CASQ1: variants seen among roughly 807,000 people sequenced by gnomAD.
CASQ1 encodes the protein calsequestrin 1, also known as calsequestrin-1.
Under a neutral mutation model 49.5 loss-of-function variants are expected in CASQ1, and 40 were observed. That is an observed-to-expected ratio of 0.81 (90% confidence interval 0.63 to 1.05). CASQ1 has a LOEUF of 1.05. Among genes scored for constraint, CASQ1 ranks in the 50% least tolerant of loss-of-function variants. CASQ1 has a pLI of 0.00. For synonymous variants in CASQ1, 174 were observed against 187.2 expected (o/e 0.93, Z 0.58); for missense variants, 469 against 486.9 (o/e 0.96, Z 0.35).
intron 3 of CASQ1, 124 bp from the exon 4 acceptor site, chr1:160,194,888 A>C: frequency 6.6e-6 from 4 of 605,890 alleles, no homozygotes; most frequent in Admixed American, 3.1e-5. Flanking sequence ...TCCCCCACAC[A>C]CACACCCACA....
intron 7 of CASQ1, chr1:160,198,453 G>A (rs767463461): frequency 4.0e-5 from 16 of 398,470 alleles, no homozygotes; most frequent in African/African-American, 8.1e-5. Flanking sequence ...GCAGTGAGCC[G>A]AGATCGCGCC....
chr1:160,191,084 C>T, intron 1 of CASQ1, 54 bp downstream of exon 1: 1 of 1,576,622 alleles, frequency 6.3e-7, no homozygotes, highest in Non-Finnish European at 8.6e-7. Flanking sequence ...TCTCCGGAAT[C>T]CCCTATCCTA....
chr1:160,198,552 C>A, intron 7 of CASQ1, 125 bp from the exon 8 acceptor site: 1 of 706,922 alleles, frequency 1.4e-6, no homozygotes, highest in Non-Finnish European at 2.5e-6. Context: ...ATATCTGGTC[C>A]TGAAGCTGGA....
chr1:160,195,663 C>CT (rs397791541), intron 5 of CASQ1, 129 bp downstream of exon 5: 6 of 830,840 alleles, frequency 7.2e-6, no homozygotes, highest in East Asian at 2.6e-5. Flanking sequence ...CCCCCCCCCC[C>CT]GGCTCCTCCC....
chr1:160,193,254 G>T (rs542793596), intron 2 of CASQ1, among the ~76,000 whole-genome samples: 1 of 152,228 alleles, frequency 6.6e-6, no homozygotes, highest in South Asian at 2.1e-4. Flanking sequence ...GGTTGTTAGA[G>T]CAGTCAGCCA....
At position 160,190,632 on chromosome 1, in the gene CASQ1, C is replaced by T; in HGVS notation, c.-120C>T. The T allele has an allele frequency of 1.1e-6, 1 of 921,232 alleles. No individual in the cohort carries two copies. 57.1% of individuals were successfully genotyped at this position (921,232 alleles called of 1,614,324 possible). The stretch of plus-strand genomic sequence containing the variant: ...GTGCCCTCTGTCCACTGCTCTGGGC[C>T]ATTCCCCAATCCCCCCTCCCACTTG... On this transcript the variant is annotated 5_prime_UTR_variant, in exon 1 of 11. Coordinates refer to ENST00000368078, the MANE Select transcript of CASQ1 (RefSeq NM_001231.5).
Position 160,195,092 on chromosome 1 carries a change from C to T in CASQ1, c.546C>T (p.Leu182=). The change falls in exon 4 of 11, where the codon CTC becomes CTT. Residue 182 remains leucine, a synonymous_variant. Coordinates refer to ENST00000368078, the MANE Select transcript of CASQ1 (RefSeq NM_001231.5). ...AFENIEDEIK[L]IGYFKSKDSE... The stretch of plus-strand genomic sequence containing the variant: ...AGAATATTGAGGATGAGATCAAACT[C>T]ATTGGCTACTTCAAGAGCAAAGACT... The T allele has an allele frequency of 6.2e-7, 1 of 1,612,342 alleles. No individual in the cohort carries two copies. Among genetic ancestry groups the T allele is most frequent in the South Asian group, 1.1e-5 (1 of 90,922 alleles).
At chr1:160,201,039 C>A (rs1301163304) in intron 10 of CASQ1, among the ~76,000 whole-genome samples, 1 of 151,356 alleles carries the variant, frequency 6.6e-6, no homozygotes, top group Non-Finnish European at 1.5e-5. Flanking sequence ...GGTCTATTTG[C>A]CAATCCAACT....
At chr1:160,198,923 C>T (rs1053747347) in intron 8 of CASQ1, 30 bp from the exon 9 acceptor site, 1 of 1,423,594 alleles carries the variant, frequency 7.0e-7, no homozygotes, top group Non-Finnish European at 9.9e-7. Flanking sequence ...CTCTACACAC[C>T]TCATACCTTG....
At chr1:160,198,575 T>G in intron 7 of CASQ1, 102 bp from the exon 8 acceptor site, 1 of 813,348 alleles carries the variant, frequency 1.2e-6, no homozygotes, top group South Asian at 1.6e-5. Context: ...TCCACAAAAT[T>G]GAGGTTCAAT....
rs746692136 is a variant in CASQ1 at position 160,195,452 on chromosome 1, AC to A, written c.578-3del. 4 of 1,612,418 alleles carry A rather than the reference AC, an allele frequency of 2.5e-6. No individual in the cohort carries two copies. The highest frequency in any genetic ancestry group is 2.2e-5 in the East Asian group (1 of 44,832). The stretch of plus-strand genomic sequence containing the variant: ...TCCCCAGAGACTGACTCTGCATTCC[AC>A]CCCCCAGATTACAAAGCCTTCGAGG... On this transcript the variant is annotated splice_polypyrimidine_tract_variant and splice_region_variant and intron_variant, in intron 4 of 10. Transcript: ENST00000368078.
intron 10 of CASQ1, 96 bp downstream of exon 10, chr1:160,200,021 T>G: frequency 1.2e-6 from 1 of 827,694 alleles, no homozygotes. Flanking sequence ...TGGGCCCTTC[T>G]CACAGGACGC....
In CASQ1 at chr1:160,195,444, T is replaced by A. The variant is rs1296505839; in HGVS notation, c.578-17T>A. ...CCCTGGTTTCCCCAGAGACTGACTC[T>A]GCATTCCACCCCCCAGATTACAAAG... On this transcript the variant is annotated splice_polypyrimidine_tract_variant and intron_variant, in intron 4 of 10. Transcript: ENST00000368078. 1 of 1,612,722 alleles carries A rather than the reference T, an allele frequency of 6.2e-7. No individual in the cohort carries two copies. The highest frequency in any genetic ancestry group is 1.7e-5 in the Admixed American group (1 of 60,020).
chr1:160,194,697 A>C (rs930572702), intron 3 of CASQ1, among the ~76,000 whole-genome samples: 13 of 151,314 alleles, frequency 8.6e-5, no homozygotes, highest in Non-Finnish European at 1.8e-4. Flanking sequence ...CATCACCTAC[A>C]TACCGAACAC....
Position 160,190,788 on chromosome 1 carries a change from C to T in CASQ1, c.37C>T (p.Pro13Ser). The T allele has an allele frequency of 6.2e-7, 1 of 1,614,106 alleles. No individual in the cohort carries two copies. The highest frequency in any genetic ancestry group is 8.5e-7 in the Non-Finnish European group (1 of 1,179,992). Residue 13 changes from proline (P) to serine (S), a missense_variant, in exon 1 of 11, where the codon CCG (proline) becomes TCG (serine). Coordinates refer to ENST00000368078, the MANE Select transcript of CASQ1 (RefSeq NM_001231.5). ...ATDRMGPRAV[P>S]GLRLALLLLL... ...AGACAGGATGGGGCCCAGAGCTGTGCCGGGTCTGCGGCTGGCACTGCTGTT... is the reference window on the plus strand; with the variant it reads ...AGACAGGATGGGGCCCAGAGCTGTGTCGGGTCTGCGGCTGGCACTGCTGTT...
intron 6 of CASQ1, among the ~76,000 whole-genome samples, chr1:160,197,307 G>C (rs1654266144): frequency 6.6e-6 from 1 of 152,202 alleles, no homozygotes; most frequent in African/African-American, 2.4e-5. Context: ...ATAAATTAAT[G>C]AATATCCTGA....
intron 6 of CASQ1, 27 bp downstream of exon 6, chr1:160,196,054 C>CG: frequency 6.2e-7 from 1 of 1,610,464 alleles, no homozygotes; most frequent in Non-Finnish European, 8.5e-7. Flanking sequence ...ACCCTCTCAG[C>CG]GGGGTCGGCT....
intron 5 of CASQ1, 24 bp from the exon 6 acceptor site, chr1:160,195,873 C>CA (rs1453643136): frequency 6.2e-7 from 1 of 1,611,780 alleles, no homozygotes; most frequent in Non-Finnish European, 8.5e-7. Flanking sequence ...CTGCTCCACT[C>CA]CCCTCCTACC....
intron 2 of CASQ1, 112 bp from the exon 3 acceptor site, chr1:160,193,634 TG>T: frequency 1.5e-6 from 1 of 646,116 alleles, no homozygotes; most frequent in Non-Finnish European, 2.7e-6. Context: ...GTGGAGCATG[TG>T]GGGCCCCGGT....
Sources: gnomAD v4.1 joint callset for allele counts (sites outside exome capture counted in the v4.1 genomes callset) on GRCh38, gnomAD v4.1.1 for gene constraint, MANE v1.5 for transcripts, NCBI Gene and HGNC (gene_info 2026-07-23, HGNC 2026-07-21) for gene names.